CLASP1: variants seen among roughly 807,000 people sequenced by gnomAD.
CLASP1 encodes the protein cytoplasmic linker associated protein 1.
CLASP1 carries 38 observed loss-of-function variants against 192.3 expected under a neutral mutation model. The ratio of observed to expected loss-of-function variants is 0.20; its 90% CI spans 0.15 to 0.26. The LOEUF (loss-of-function observed/expected upper bound fraction) is 0.26. Among genes scored for constraint, CLASP1 ranks in the 10% least tolerant of loss-of-function variants. The probability of loss-of-function intolerance (pLI) is 1.00; values close to 1 mark genes in which losing one functional copy is unlikely to be tolerated. For synonymous variants in CLASP1, 691 were observed against 712.8 expected (o/e 0.97, Z 0.49); for missense variants, 1,433 against 1,932.5 (o/e 0.74, Z 4.85).
Position 121,373,115 on chromosome 2 carries a change from G to A in CLASP1, c.3642+4384C>T, listed in dbSNP as rs189423623. Among the ~76,000 whole-genome samples, 320 of 152,302 alleles carry A rather than the reference G, an allele frequency of 2.1e-3. 1 individual carries two copies. The highest frequency in any genetic ancestry group is 7.2e-3 in the African/African-American group (301 of 41,558). ...TCCAATGTTCGGTGAGGAACCTGGT[G>A]GGAGGTAATTCGATCACGGGGGTGG... On this transcript the variant is annotated intron_variant, in intron 34 of 39. Coordinates refer to ENST00000263710, the Ensembl canonical transcript of CLASP1.
At chr2:121,406,413 C>T (rs1017684220) in intron 25 of CLASP1, among the ~76,000 whole-genome samples, 3 of 152,130 alleles carry the variant, frequency 2.0e-5, no homozygotes, top group Non-Finnish European at 4.4e-5. Context: ...ATTTTCCAAA[C>T]TAAGACTGAT....
chr2:121,542,155 T>A (rs900784915), intron 2 of CLASP1, among the ~76,000 whole-genome samples: 2 of 152,198 alleles, frequency 1.3e-5, no homozygotes, highest in Non-Finnish European at 2.9e-5. Flanking sequence ...TACGTAGGTA[T>A]CATCATCACT....
intron 3 of CLASP1, 46 bp from the exon 4 acceptor site, chr2:121,528,826 G>A (rs1575683374): frequency 7.0e-7 from 1 of 1,435,718 alleles, no homozygotes; most frequent in Non-Finnish European, 9.8e-7. Flanking sequence ...CTATTTGGGG[G>A]TCTGTGGTCA....
At chr2:121,505,019 G>T (rs1266583508) in intron 7 of CLASP1, 1 of 152,128 alleles carries the variant, frequency 6.6e-6, no homozygotes, top group African/African-American at 2.4e-5. Context: ...CTTTTTAAAA[G>T]TAACAAAGAT....
chr2:121,457,563 A>C, intron 14 of CLASP1, 124 bp downstream of exon 14: 1 of 684,912 alleles, frequency 1.5e-6, no homozygotes, highest in Non-Finnish European at 2.5e-6. Context: ...AAAGTCATTT[A>C]CTGCAGTGAT....
chr2:121,353,770 T>C (rs1424006233), intron 37 of CLASP1, among the ~76,000 whole-genome samples: 1 of 150,482 alleles, frequency 6.6e-6, no homozygotes, highest in Non-Finnish European at 1.5e-5. Flanking sequence ...AATTTCCCCA[T>C]AGTGTGCGTG....
chr2:121,364,683 T>C (rs1314094440), intron 36 of CLASP1: 1 of 196,644 alleles, frequency 5.1e-6, no homozygotes, highest in East Asian at 1.2e-4. Flanking sequence ...TGGAATTTCA[T>C]GGAATGTAGC....
intron 2 of CLASP1, among the ~76,000 whole-genome samples, chr2:121,571,976 AAAAG>A (rs2060015822): frequency 6.6e-6 from 1 of 152,154 alleles, no homozygotes; most frequent in Admixed American, 6.5e-5. Flanking sequence ...TACAAAAAAA[AAAAG>A]AGAGAGGAAG....
chr2:121,486,683 T>C (rs368059279), intron 8 of CLASP1, among the ~76,000 whole-genome samples: 2 of 152,196 alleles, frequency 1.3e-5, no homozygotes, highest in African/African-American at 4.8e-5. Flanking sequence ...GAGCCAAATT[T>C]GGAAAAGGTT....
At chr2:121,406,003 T>A (rs139774145) in intron 25 of CLASP1, among the ~76,000 whole-genome samples, 2 of 152,318 alleles carry the variant, frequency 1.3e-5, no homozygotes, top group African/African-American at 4.8e-5. Context: ...ATAAAAATCA[T>A]CCAAAGGATA....
intron 30 of CLASP1, 193 bp from the exon 32 acceptor site, chr2:121,388,099 C>G (rs2073657284): frequency 2.0e-6 from 1 of 498,922 alleles, no homozygotes; most frequent in Non-Finnish European, 3.5e-6. Context: ...AAAATAAACT[C>G]TGGCTTCATT....
At chr2:121,610,435 G>A (rs1402935439) in intron 1 of CLASP1, among the ~76,000 whole-genome samples, 1 of 149,160 alleles carries the variant, frequency 6.7e-6, no homozygotes, top group Admixed American at 6.7e-5. Flanking sequence ...GGAGGAGGAG[G>A]AGTTACAGGA....
At chr2:121,346,434 T>G (rs1201264011) in intron 39 of CLASP1, among the ~76,000 whole-genome samples, 1 of 152,250 alleles carries the variant, frequency 6.6e-6, no homozygotes, top group Non-Finnish European at 1.5e-5. Flanking sequence ...TCATTTTCAG[T>G]GACATCCATT....
intron 2 of CLASP1, among the ~76,000 whole-genome samples, chr2:121,535,654 T>C (rs980173429): frequency 1.3e-5 from 2 of 151,934 alleles, no homozygotes; most frequent in African/African-American, 2.4e-5. Flanking sequence ...CATTAGAATT[T>C]TTTTTTTTTT....
intron 15 of CLASP1, among the ~76,000 whole-genome samples, chr2:121,451,379 C>T (rs1258515971): frequency 2.0e-5 from 3 of 152,150 alleles, no homozygotes; most frequent in African/African-American, 4.8e-5. Flanking sequence ...GAAATAATCA[C>T]CTTAACATTA....
At chr2:121,350,504 C>A (rs1418469207) in intron 37 of CLASP1, among the ~76,000 whole-genome samples, 3 of 152,154 alleles carry the variant, frequency 2.0e-5, no homozygotes, top group Non-Finnish European at 4.4e-5. Flanking sequence ...TCTCCTGGGG[C>A]TCTGGGAAGA....
intron 9 of CLASP1, among the ~76,000 whole-genome samples, chr2:121,466,873 G>A (rs2089691272): frequency 6.6e-6 from 1 of 152,180 alleles, no homozygotes; most frequent in Non-Finnish European, 1.5e-5. Flanking sequence ...GGTTACATAG[G>A]TAAACGTGTG....
chr2:121,595,497 T>C (rs1230721946), intron 2 of CLASP1, among the ~76,000 whole-genome samples: 3 of 152,260 alleles, frequency 2.0e-5, no homozygotes, highest in African/African-American at 7.2e-5. Context: ...ACTTCTTCTG[T>C]TGCATGTATC....
chr2:121,341,307 C>A (rs916107772), intron 39 of CLASP1, among the ~76,000 whole-genome samples: 1 of 152,196 alleles, frequency 6.6e-6, no homozygotes, highest in African/African-American at 2.4e-5. Context: ...TCCATCAGAG[C>A]CAGGGAAAAA....
Sources: allele counts gnomAD v4.1 joint callset (sites outside exome capture counted in the v4.1 genomes callset), GRCh38; gene constraint gnomAD v4.1.1; transcripts MANE v1.5; gene names NCBI Gene and HGNC (gene_info 2026-07-23, HGNC 2026-07-21).